The following DNAH6 variants were observed in gnomAD, a reference collection of about 807,000 sequenced individuals.
DNAH6 encodes axonemal beta dynein heavy chain 6.
In DNAH6, 340 loss-of-function variants were observed where a neutral mutation model predicts 491.4. The observed-to-expected ratio is 0.69, with a 90% CI of 0.63 to 0.76. The LOEUF is 0.76. Ranked by LOEUF, DNAH6 falls within the 30% of genes least tolerant of loss-of-function variation. The pLI is 0.00. For synonymous variants in DNAH6, 1,603 were observed against 1,686.1 expected, an observed-to-expected ratio of 0.95 and a Z score of 1.21; for missense variants, 4,443 against 4,972.2, an observed-to-expected ratio of 0.89 and a Z score of 3.20.
rs183167896 is a variant in DNAH6, at chr2:84,605,329, G to A, written c.3082-171G>A. ...GGTTACACCACCGCACTCCAGCCTGGGTGACAGAGTGAGACTCTATCTCAA... is the reference window on the plus strand; with the variant it reads ...GGTTACACCACCGCACTCCAGCCTGAGTGACAGAGTGAGACTCTATCTCAA... On this transcript the variant is annotated intron_variant, in intron 19 of 76. Transcript: ENST00000389394. Among the ~76,000 whole-genome samples, 376 of 148,652 alleles carry A rather than the reference G, an allele frequency of 2.5e-3. 1 individual carries two copies. The highest frequency in any genetic ancestry group is 6.2e-3 in the Admixed American group (92 of 14,844).
intron 51 of DNAH6, 111 bp from the exon 52 acceptor site, chr2:84,705,375 T>G (rs918110930): frequency 1.8e-6 from 2 of 1,092,728 alleles, no homozygotes; most frequent in African/African-American, 1.6e-5. Context: ...GTACCAAGAT[T>G]AAAATTATCC....
intron 56 of DNAH6, among the ~76,000 whole-genome samples, chr2:84,712,193 A>G (rs1329360523): frequency 6.6e-6 from 1 of 152,222 alleles, no homozygotes; most frequent in Admixed American, 6.5e-5. Flanking sequence ...AGTTTAGACC[A>G]TCTCAATCAA....
intron 26 of DNAH6, among the ~76,000 whole-genome samples, chr2:84,621,963 G>A (rs1687439134): frequency 6.6e-6 from 1 of 152,024 alleles, no homozygotes; most frequent in African/African-American, 2.4e-5. Flanking sequence ...AAACTGTCAG[G>A]CAATTAACAA....
chr2:84,655,453 A>G (rs1437214472), intron 35 of DNAH6, among the ~76,000 whole-genome samples: 1 of 151,904 alleles, frequency 6.6e-6, no homozygotes, highest in Admixed American at 6.6e-5. Flanking sequence ...TTTCCCCCAC[A>G]TCTCATCCCC....
In DNAH6 at chr2:84,699,636, A is replaced by G; in HGVS notation, c.7720A>G (p.Ile2574Val). 4 of 1,551,858 alleles carry G rather than the reference A, an allele frequency of 2.6e-6. No homozygotes were observed. Among genetic ancestry groups the G allele is most frequent in the Non-Finnish European group, 1.7e-6 (2 of 1,146,996 alleles). Residue 2574 changes from isoleucine (I) to valine (V), a missense_variant, in exon 48 of 77, where the codon ATT becomes GTT. By Grantham distance (29) the Ile-to-Val change is conservative. Around this residue, in one of 3 missense-constraint regions of DNAH6, gnomAD observed 2,977 missense variants for 3,296.6 expected, o/e 0.90. Coordinates refer to ENST00000389394, the MANE Select transcript of DNAH6 (RefSeq NM_001370.2). ...FISKVRQKLH[I>V]VLCMSPVGEA... ...CAGCAAAGTGCGTCAGAAGCTGCAC[A>G]TTGTTCTCTGCATGAGCCCAGTTGG...
intron 18 of DNAH6, among the ~76,000 whole-genome samples, chr2:84,601,065 T>TATAATAATAACGTTATTATTATAGTATA (rs1558778941): frequency 3.4e-5 from 5 of 149,074 alleles, no homozygotes; most frequent in African/African-American, 1.2e-4. Context: ...ATTATTATAC[T>TATAATAATAACGTTATTATTATAGTATA]ATAAGGAATC....
chr2:84,528,753 G>GT, intron 3 of DNAH6, 151 bp from the exon 4 acceptor site: 1 of 701,414 alleles, frequency 1.4e-6, no homozygotes, highest in African/African-American at 1.8e-5. Context: ...CCTAACAATA[G>GT]TTTGAAAATT....
chr2:84,737,946 C>T (rs1244283179), intron 62 of DNAH6, among the ~76,000 whole-genome samples: 2 of 152,010 alleles, frequency 1.3e-5, no homozygotes, highest in Non-Finnish European at 2.9e-5. Context: ...ACCTTTCTAA[C>T]TTCTCGATGT....
intron 76 of DNAH6, 22 bp from the exon 77 acceptor site, chr2:84,819,283 T>G (rs1331975350): frequency 6.7e-7 from 1 of 1,502,856 alleles, no homozygotes; most frequent in East Asian, 2.5e-5. Flanking sequence ...TAACAACCTT[T>G]TTTTCCTATA....
the DNAH6 span, among the ~76,000 whole-genome samples, chr2:84,498,288 T>C: frequency 6.6e-6 from 1 of 152,210 alleles, no homozygotes; most frequent in East Asian, 1.9e-4. Context: ...ACTCACTTTT[T>C]TGGCAGCATG....
At chr2:84,798,932 T>C (rs1055342697) in intron 70 of DNAH6, among the ~76,000 whole-genome samples, 3 of 151,962 alleles carry the variant, frequency 2.0e-5, no homozygotes, top group Non-Finnish European at 2.9e-5. Context: ...CAAGGAAGAA[T>C]ATGGCATAGG....
At chr2:84,511,065 G>C in the DNAH6 span, among the ~76,000 whole-genome samples, 1 of 152,202 alleles carries the variant, frequency 6.6e-6, no homozygotes, top group African/African-American at 2.4e-5. Flanking sequence ...CAGATCGCCA[G>C]CTGTGTGCTG....
intron 4 of DNAH6, among the ~76,000 whole-genome samples, chr2:84,539,174 G>A (rs1335682792): frequency 2.6e-5 from 4 of 152,060 alleles, no homozygotes; most frequent in Non-Finnish European, 5.9e-5. Flanking sequence ...TTTTCATTTG[G>A]AATAATCAAA....
chr2:84,808,622 C>T (rs1679668416), intron 72 of DNAH6, 80 bp downstream of exon 72: 7 of 1,415,146 alleles, frequency 4.9e-6, no homozygotes, highest in Middle Eastern at 3.5e-4. Context: ...TCTTCCATTC[C>T]CATCACTTCA....
At chr2:84,819,198 C>A (rs1423810495) in intron 76 of DNAH6, 107 bp from the exon 77 acceptor site, 3 of 680,290 alleles carry the variant, frequency 4.4e-6, no homozygotes, top group African/African-American at 3.6e-5. Context: ...TCTTTAGGGG[C>A]AAGTCAGGCC....
At position 84,814,137 on chromosome 2, in the gene DNAH6, G is replaced by A; in HGVS notation, c.12150+15G>A. ...TGGACATGGAGGTATTGTCCACCTG[G>A]CTGTTATGGCAAAGCAGCTTCTATC... On this transcript the variant is annotated intron_variant, in intron 75 of 76. Coordinates refer to ENST00000389394, the MANE Select transcript of DNAH6 (RefSeq NM_001370.2). 6.5e-7 allele frequency: 1 copy of A among 1,548,744 alleles called. No individual in the cohort carries two copies. The highest frequency in any genetic ancestry group is 8.7e-7 in the Non-Finnish European group (1 of 1,144,990).
chr2:84,767,960 G>A (rs73943396), intron 64 of DNAH6, among the ~76,000 whole-genome samples: 5,643 of 152,198 alleles, frequency 0.037, 119 homozygotes, highest in Middle Eastern at 0.095. Context: ...CAGAAATAAT[G>A]AAATCTGGAA....
At chr2:84,655,479 A>G (rs1033655549) in intron 35 of DNAH6, among the ~76,000 whole-genome samples, 1 of 152,078 alleles carries the variant, frequency 6.6e-6, no homozygotes, top group Non-Finnish European at 1.5e-5. Flanking sequence ...CAAGTAAGCC[A>G]TCTTCATCTC....
intron 16 of DNAH6, among the ~76,000 whole-genome samples, chr2:84,593,084 A>G (rs1558766193): frequency 1.3e-5 from 2 of 152,228 alleles, no homozygotes; most frequent in Non-Finnish European, 2.9e-5. Flanking sequence ...AATAGATCTC[A>G]TGTAATGTGT....
Sources: gnomAD v4.1 joint callset for allele counts (sites outside exome capture counted in the v4.1 genomes callset) on GRCh38, gnomAD v4.1.1 for gene constraint, gnomAD v4.1.1 regional missense constraint, MANE v1.5 for transcripts, NCBI Gene and HGNC (gene_info 2026-07-23, HGNC 2026-07-21) for gene names.